The following RRBP1 variants were observed in gnomAD, a reference collection of about 807,000 sequenced individuals.
The protein encoded by RRBP1 is ribosome-binding protein 1.
A neutral mutation model predicts 165.2 loss-of-function variants in RRBP1; 94 were observed. The observed-to-expected ratio is 0.57, with a 90% CI of 0.48 to 0.68. The LOEUF is 0.68. Ranked by LOEUF, RRBP1 falls within the 30% of genes least tolerant of loss-of-function variation. RRBP1 has a pLI of 0.00. For synonymous variants in RRBP1, 680 were observed against 714.5 expected (o/e 0.95, Z 0.77); for missense variants, 1,676 against 1,763.0 (o/e 0.95, Z 0.88).
chr20:17,628,650 C>T (rs2036081999), intron 9 of RRBP1, among the ~76,000 whole-genome samples: 1 of 152,262 alleles, frequency 6.6e-6, no homozygotes, highest in African/African-American at 2.4e-5. Context: ...CCTTCTCCTT[C>T]CAGCCACACT....
At chr20:17,644,440 A>G (rs1276946819) in intron 3 of RRBP1, among the ~76,000 whole-genome samples, 3 of 152,232 alleles carry the variant, frequency 2.0e-5, no homozygotes, top group Admixed American at 6.5e-5. Context: ...AAAAACATGC[A>G]TGGCTCACTC....
rs566543468 is a variant in RRBP1, at chr20:17,616,288, G to A, written c.3868-279C>T. 2.6e-5 allele frequency among the ~76,000 whole-genome samples: 4 copies of A among 152,160 alleles called. No homozygotes were observed. The South Asian group carries it at 8.3e-4, about 32-fold the overall frequency. Reference sequence around the variant, plus strand: ...TGGCCCCATGACAACCCCCTTAACAGCCACACCATGGCCACCCCAGGGACA... The same window carrying A: ...TGGCCCCATGACAACCCCCTTAACAACCACACCATGGCCACCCCAGGGACA... On this transcript the variant is annotated intron_variant, in intron 21 of 24. Coordinates refer to ENST00000377813, the MANE Select transcript of RRBP1 (RefSeq NM_001365613.2).
intron 21 of RRBP1, 136 bp downstream of exon 21, chr20:17,616,596 T>C (rs866869737): frequency 3.6e-5 from 22 of 618,914 alleles, no homozygotes; most frequent in Middle Eastern, 3.9e-4. Flanking sequence ...ATGATCCAAA[T>C]GGGGCAAAGC....
Position 17,614,108 on chromosome 20 carries a change from G to A in RRBP1, c.*74C>T. ...GGCCTGGATAACGCTGTGTAGGTTG[G>A]TTGGTTTATTTGTAAGGAATGTGTA... On this transcript the variant is annotated 3_prime_UTR_variant, in exon 25 of 25. Coordinates refer to ENST00000377813, the MANE Select transcript of RRBP1 (RefSeq NM_001365613.2). The A allele has an allele frequency of 6.8e-7, 1 of 1,471,714 alleles. No individual in the cohort carries two copies. The highest frequency in any genetic ancestry group is 9.5e-7 in the Non-Finnish European group (1 of 1,050,796). 91.2% of individuals were successfully genotyped at this position (1,471,714 alleles called of 1,614,324 possible). A position where few individuals can be genotyped will look rare whatever the true frequency, so the allele number is the denominator to read the frequency against.
chr20:17,651,725 C>T (rs993684331), intron 3 of RRBP1, among the ~76,000 whole-genome samples: 4 of 152,128 alleles, frequency 2.6e-5, no homozygotes, highest in African/African-American at 9.7e-5. Flanking sequence ...TTCCATGCCT[C>T]CATACTGTGA....
At chr20:17,676,689 A>AGTCAACCTAGT (rs1284625494) in intron 2 of RRBP1, among the ~76,000 whole-genome samples, 1 of 152,166 alleles carries the variant, frequency 6.6e-6, no homozygotes, top group Non-Finnish European at 1.5e-5. Flanking sequence ...CACACAAGAA[A>AGTCAACCTAGT]GTCAACCTAG....
chr20:17,676,700 T>C (rs1355727205), intron 2 of RRBP1, among the ~76,000 whole-genome samples: 1 of 152,116 alleles, frequency 6.6e-6, no homozygotes, highest in Non-Finnish European at 1.5e-5. Flanking sequence ...GTCAACCTAG[T>C]GTAGCCAGAA....
chr20:17,623,298 AC>A (rs2122269094), intron 13 of RRBP1: 1 of 152,318 alleles, frequency 6.6e-6, no homozygotes, highest in African/African-American at 2.4e-5. Context: ...ATCTGATACA[AC>A]CCTCAGGCTT....
chr20:17,621,657 A>G (rs2122261283), intron 15 of RRBP1, 33 bp downstream of exon 15: 1 of 1,609,506 alleles, frequency 6.2e-7, no homozygotes, highest in Non-Finnish European at 8.5e-7. Flanking sequence ...AGGGGAGCCC[A>G]ACAGAGGAGC....
At chr20:17,618,562 A>C in intron 20 of RRBP1, 34 bp downstream of exon 20, 3 of 1,531,234 alleles carry the variant, frequency 2.0e-6, no homozygotes, top group Middle Eastern at 3.4e-4. Flanking sequence ...GCCCCAGGTC[A>C]CACTCCTGGC....
chr20:17,658,292 G>A (rs2036681995), intron 3 of RRBP1, among the ~76,000 whole-genome samples: 1 of 152,150 alleles, frequency 6.6e-6, no homozygotes, highest in South Asian at 2.1e-4. Context: ...CTGCCCTGGA[G>A]GGCGCCAGAA....
intron 9 of RRBP1, among the ~76,000 whole-genome samples, chr20:17,629,116 C>T (rs2036093778): frequency 6.6e-6 from 1 of 152,278 alleles, no homozygotes; most frequent in Non-Finnish European, 1.5e-5. Flanking sequence ...GCCCTGAACA[C>T]AGTCCCTGTG....
At position 17,633,568 on chromosome 20, in the gene RRBP1, G is replaced by C; in HGVS notation, c.2502C>G (p.Val834=). The change falls in exon 8 of 25, where the codon GTC becomes GTG. Residue 834 remains valine, a synonymous_variant. Transcript: ENST00000377813. ...CTGACTTCTCCACCAGCTCTTTGCT[G>C]ACCTTGCTGAGCTCCTGCCGAAGCT... ...LAKLRQELSK[V]SKELVEKSEA... is the part of the protein sequence containing the mutation. 1.2e-6 allele frequency: 2 copies of C among 1,614,040 alleles called. No individual in the cohort carries two copies. Among genetic ancestry groups the C allele is most frequent in the Middle Eastern group, 1.6e-4 (1 of 6,062 alleles).
intron 1 of RRBP1, 60 bp downstream of exon 1, chr20:17,681,968 C>G (rs1600199904): frequency 6.7e-6 from 1 of 148,240 alleles, no homozygotes; most frequent in African/African-American, 2.4e-5. Flanking sequence ...GCGGCCGGCC[C>G]CGGCCCCCCG....
chr20:17,633,184 T>C (rs944970247), intron 8 of RRBP1, among the ~76,000 whole-genome samples: 1 of 152,192 alleles, frequency 6.6e-6, no homozygotes, highest in Non-Finnish European at 1.5e-5. Context: ...GCCTACCTCA[T>C]AGGGTTACAA....
intron 2 of RRBP1, among the ~76,000 whole-genome samples, chr20:17,660,903 T>G (rs145021632): frequency 3.3e-5 from 5 of 151,994 alleles, no homozygotes; most frequent in African/African-American, 1.2e-4. Context: ...CCATGGGGAG[T>G]GGTGGAGACT....
intron 9 of RRBP1, among the ~76,000 whole-genome samples, chr20:17,628,084 C>A (rs971462341): frequency 6.6e-6 from 1 of 152,018 alleles, no homozygotes; most frequent in Non-Finnish European, 1.5e-5. Flanking sequence ...CTGGCTGGGT[C>A]CCCCTCAACC....
intron 3 of RRBP1, among the ~76,000 whole-genome samples, chr20:17,651,019 C>T (rs896873025): frequency 1.3e-5 from 2 of 152,228 alleles, no homozygotes; most frequent in South Asian, 2.1e-4. Flanking sequence ...AGCCTGGACA[C>T]GTGCGTCAGC....
intron 2 of RRBP1, among the ~76,000 whole-genome samples, chr20:17,666,568 ATTTT>A (rs549423092): frequency 6.6e-6 from 1 of 151,938 alleles, no homozygotes; most frequent in Non-Finnish European, 1.5e-5. Context: ...ATTCTTTCTG[ATTTT>A]TTTTAATAAA....
Sources: gnomAD v4.1 joint callset for allele counts (sites outside exome capture counted in the v4.1 genomes callset) on GRCh38, gnomAD v4.1.1 for gene constraint, MANE v1.5 for transcripts, NCBI Gene and HGNC (gene_info 2026-07-23, HGNC 2026-07-21) for gene names.